Variants in CDH13 observed in about 807,000 individuals in gnomAD.
The protein encoded by CDH13 is cadherin 13, also known as cadherin-13.
In CDH13, 24 loss-of-function variants were observed where a neutral mutation model predicts 63.8. The ratio of observed to expected loss-of-function variants is 0.38; its 90% CI spans 0.27 to 0.53. The LOEUF is 0.53. CDH13 is among the 20% of genes least tolerant of loss of function. The pLI is 0.85. For missense variants in CDH13, 1,049 were observed against 903.1 expected (o/e 1.16, Z -2.07); for synonymous variants, 503 against 355.3 (o/e 1.42, Z -4.67).
At chr16:83,792,359 C>G (rs1049056951) in intron 13 of CDH13, among the ~76,000 whole-genome samples, 4 of 151,142 alleles carry the variant, frequency 2.6e-5, no homozygotes, top group African/African-American at 9.7e-5. Context: ...GGACGAGTCA[C>G]TTATGTTATC....
intron 2 of CDH13, chr16:82,953,806 A>T (rs1253921037): frequency 1.3e-5 from 2 of 152,214 alleles, no homozygotes; most frequent in Non-Finnish European, 2.9e-5. Context: ...CCGAGATCTG[A>T]TAAACAATTC....
At chr16:82,908,470 C>A (rs767211275) in intron 2 of CDH13, among the ~76,000 whole-genome samples, 7 of 152,168 alleles carry the variant, frequency 4.6e-5, no homozygotes, top group Non-Finnish European at 1.0e-4. Flanking sequence ...AACACAGGGG[C>A]CACCTGCCCA....
intron 4 of CDH13, among the ~76,000 whole-genome samples, chr16:83,134,335 G>T (rs186984394): frequency 6.6e-6 from 1 of 151,982 alleles, no homozygotes; most frequent in East Asian, 1.9e-4. Flanking sequence ...GATTACAGGC[G>T]CCCGCCACCA....
intron 11 of CDH13, among the ~76,000 whole-genome samples, chr16:83,758,416 A>T (rs547692817): frequency 2.6e-5 from 4 of 152,272 alleles, no homozygotes; most frequent in African/African-American, 4.8e-5. Flanking sequence ...TGATTTTTTT[A>T]AAATAATGTT....
At chr16:83,648,533 G>A (rs1912056433) in intron 8 of CDH13, among the ~76,000 whole-genome samples, 1 of 152,106 alleles carries the variant, frequency 6.6e-6, no homozygotes, top group African/African-American at 2.4e-5. Context: ...CAGTCTTTCT[G>A]CAGCTGCCCA....
intron 10 of CDH13, among the ~76,000 whole-genome samples, chr16:83,744,319 C>T (rs908108804): frequency 6.6e-6 from 1 of 152,178 alleles, no homozygotes; most frequent in Admixed American, 6.5e-5. Context: ...ACTGGATGAA[C>T]GAGAGGAGAC....
intron 5 of CDH13, among the ~76,000 whole-genome samples, chr16:83,251,693 C>T (rs115582669): frequency 6.6e-6 from 1 of 152,224 alleles, no homozygotes; most frequent in Non-Finnish European, 1.5e-5. Flanking sequence ...AGCCAAGCCT[C>T]TGACATCTGA....
intron 5 of CDH13, among the ~76,000 whole-genome samples, chr16:83,225,046 C>T (rs1461176540): frequency 6.6e-6 from 1 of 152,140 alleles, no homozygotes; most frequent in Non-Finnish European, 1.5e-5. Context: ...CACCTGGGAA[C>T]TTGTTAGAGA....
At chr16:83,303,162 C>A (rs140177126) in intron 5 of CDH13, among the ~76,000 whole-genome samples, 164 of 152,250 alleles carry the variant, frequency 1.1e-3, no homozygotes, top group African/African-American at 3.8e-3. Flanking sequence ...TCAGCATGGG[C>A]CAGTGTTGGG....
intron 10 of CDH13, chr16:83,726,382 C>T (rs62047461): frequency 0.69 from 105,334 of 151,824 alleles, 36,637 homozygotes; most frequent in East Asian, 0.83. Context: ...TTCATTCATT[C>T]ATTTATTTAT....
chr16:83,790,164 TGA>T (rs1916165538), intron 13 of CDH13: 1 of 152,164 alleles, frequency 6.6e-6, no homozygotes, highest in Admixed American at 6.5e-5. Context: ...GGTCTCCAGG[TGA>T]GTAATCAGCG....
At chr16:83,397,790 C>G (rs2091909945) in intron 6 of CDH13, 2 of 152,176 alleles carry the variant, frequency 1.3e-5, no homozygotes, top group South Asian at 2.1e-4. Flanking sequence ...AGAATCTAAT[C>G]TTTGTCCTAC....
At chr16:83,684,697 G>A (rs1010723796) in intron 10 of CDH13, among the ~76,000 whole-genome samples, 3 of 152,190 alleles carry the variant, frequency 2.0e-5, no homozygotes, top group African/African-American at 7.2e-5. Flanking sequence ...GATATGTGTT[G>A]AAGAAAAATA....
chr16:83,608,713 C>G (rs937676481), intron 8 of CDH13, among the ~76,000 whole-genome samples: 1 of 137,640 alleles, frequency 7.3e-6, no homozygotes, highest in Non-Finnish European at 1.5e-5. Context: ...CTGCCATGTT[C>G]CTCGGGCTGG....
intron 7 of CDH13, among the ~76,000 whole-genome samples, chr16:83,598,518 G>A (rs774913267): frequency 8.5e-5 from 13 of 152,130 alleles, no homozygotes; most frequent in Non-Finnish European, 1.8e-4. Flanking sequence ...GCTATTGTAT[G>A]GTGTGATAGC....
intron 2 of CDH13, among the ~76,000 whole-genome samples, chr16:82,938,838 G>A (rs1028275743): frequency 6.6e-6 from 1 of 152,218 alleles, no homozygotes; most frequent in African/African-American, 2.4e-5. Flanking sequence ...TATCCATCCT[G>A]AGGAGGGAGG....
At chr16:83,129,469 C>T (rs540378060) in intron 4 of CDH13, among the ~76,000 whole-genome samples, 1 of 152,204 alleles carries the variant, frequency 6.6e-6, no homozygotes, top group Admixed American at 6.5e-5. Flanking sequence ...GGGAAGGCAG[C>T]TAGGAGAGAA....
At chr16:83,500,905 G>C (rs945573415) in intron 7 of CDH13, among the ~76,000 whole-genome samples, 1 of 152,062 alleles carries the variant, frequency 6.6e-6, no homozygotes, top group African/African-American at 2.4e-5. Context: ...ATATGAGCCA[G>C]TTTATTTGTT....
intron 8 of CDH13, among the ~76,000 whole-genome samples, chr16:83,651,588 C>CTTTTTTTTTTTTTTTTTTTT (rs35237670): frequency 2.7e-5 from 2 of 75,306 alleles, no homozygotes; most frequent in Non-Finnish European, 4.8e-5. Context: ...TTATTTTCCT[C>CTTTTTTTTTTTTTTTTTTTT]TTTTTTTTTT....
Sources: allele counts gnomAD v4.1 joint callset (sites outside exome capture counted in the v4.1 genomes callset), GRCh38; gene constraint gnomAD v4.1.1; transcripts MANE v1.5; gene names NCBI Gene and HGNC (gene_info 2026-07-23, HGNC 2026-07-21).